SLC26A2: variants seen among roughly 807,000 people sequenced by gnomAD.
The protein encoded by SLC26A2 is solute carrier family 26 member 2, also known as sulfate transporter.
Under a neutral mutation model 41.1 loss-of-function variants are expected in SLC26A2, and 36 were observed. The observed-to-expected ratio is 0.88, with a 90% confidence interval of 0.67 to 1.16. SLC26A2 has a LOEUF of 1.16. Ranked by LOEUF, SLC26A2 falls within the 50% of genes most tolerant of loss-of-function variation. The pLI, the probability that SLC26A2 is intolerant of heterozygous loss-of-function variation, is 0.00. For synonymous variants in SLC26A2, 291 were observed against 311.6 expected, an observed-to-expected ratio of 0.93 and a Z score of 0.70; for missense variants, 796 against 869.6, an observed-to-expected ratio of 0.92 and a Z score of 1.07.
chr5:149,969,409 C>A (rs75227295), intron 1 of SLC26A2, among the ~76,000 whole-genome samples: 3,461 of 152,304 alleles, frequency 0.023, 140 homozygotes, highest in African/African-American at 0.078. Flanking sequence ...TAATTGCCTG[C>A]TGGACACACC....
At chr5:149,969,418 C>G (rs573382332) in intron 1 of SLC26A2, among the ~76,000 whole-genome samples, 1 of 152,306 alleles carries the variant, frequency 6.6e-6, no homozygotes, top group South Asian at 2.1e-4. Context: ...GCTGGACACA[C>G]CATCTGGACA....
Position 149,978,055 on chromosome 5 carries a change from C to T in SLC26A2, c.403C>T (p.Gln135Ter). The change falls in exon 2 of 3, where the codon CAA (glutamine) becomes TAA (stop). Residue 135 changes from glutamine to a stop codon, truncating the protein, a stop_gained. Coordinates refer to ENST00000286298, the MANE Select transcript of SLC26A2 (RefSeq NM_000112.4). LOFTEE classifies it high-confidence loss of function. ...CATTGCTTATTCCCTGCTGGCTGGC[C>T]AAGAACCTGTCTATGGTCTGTACAC... ...QSIAYSLLAG[Q>*]EPVYGLYTSF... is the part of the protein sequence containing the mutation. The T allele has an allele frequency of 6.2e-7, 1 of 1,613,238 alleles. No homozygotes were observed. The highest frequency in any genetic ancestry group is 8.5e-7 in the Non-Finnish European group (1 of 1,179,478).
intron 1 of SLC26A2, among the ~76,000 whole-genome samples, chr5:149,963,440 G>A (rs1011001582): frequency 1.3e-5 from 2 of 152,040 alleles, no homozygotes; most frequent in African/African-American, 2.4e-5. Flanking sequence ...CACCACGTCC[G>A]GCTAATCTTT....
In SLC26A2 at chr5:149,986,232, A is replaced by C. The variant is rs140200789; in HGVS notation, c.*4419A>C. ...AAAATTAAAAAGAATCAGTTTTTTT[A>C]ATTAAAAAAATAGAAAGCTGTTAGG... is the stretch of plus-strand genomic sequence containing the variant. On this transcript the variant is annotated 3_prime_UTR_variant, in exon 3 of 3. Transcript: ENST00000286298. The C allele has an allele frequency of 1.6e-3, 244 of 151,276 alleles. No homozygotes were observed. The highest frequency in any genetic ancestry group is 5.6e-3 in the African/African-American group (231 of 41,010). The allele number at this position is 151,276 out of a possible 1,614,324, so 9.4% of individuals were successfully genotyped here.
rs2113695908 is a variant in SLC26A2, at chr5:149,978,007, G to A, written c.355G>A (p.Gly119Ser). 1 of 1,614,150 alleles carries A rather than the reference G, an allele frequency of 6.2e-7. No homozygotes were observed. Among genetic ancestry groups the A allele is most frequent in the African/African-American group, 1.3e-5 (1 of 75,032 alleles). Residue 119 changes from glycine to serine, a missense_variant, in exon 2 of 3, where the codon GGC (glycine) becomes AGC (serine). Coordinates refer to ENST00000286298, the MANE Select transcript of SLC26A2 (RefSeq NM_000112.4). ...GGATGTGATGTCAGGCTTGATTGTGGGCATATTATTGGTGCCCCAGTCCAT... is the reference window on the plus strand; with the variant it reads ...GGATGTGATGTCAGGCTTGATTGTGAGCATATTATTGGTGCCCCAGTCCAT... ...LGDVMSGLIV[G>S]ILLVPQSIAY...
At chr5:149,976,898 G>C (rs1755000761) in intron 1 of SLC26A2, among the ~76,000 whole-genome samples, 1 of 152,192 alleles carries the variant, frequency 6.6e-6, no homozygotes, top group African/African-American at 2.4e-5. Context: ...CTAGAACATA[G>C]TGGAATAGAC....
rs569436962 is a variant in SLC26A2 at position 149,980,537 on chromosome 5, T to C, written c.944T>C (p.Leu315Pro). 2 of 1,614,160 alleles carry C rather than the reference T, an allele frequency of 1.2e-6. No homozygotes were observed. The highest frequency in any genetic ancestry group is 1.1e-5 in the South Asian group (1 of 91,092). The part of the protein sequence containing the change: ...LITSLLCLLV[L>P]LPTKELNEHF... ...ACCAGCCTTTTGTGCCTTTTGGTTC[T>C]TTTGCCAACCAAAGAACTCAATGAA... The change falls in exon 3 of 3, where the codon CTT (leucine) becomes CCT (proline). Residue 315 changes from leucine (L) to proline (P), a missense_variant. Physicochemically the swap from Leu to Pro is moderately conservative, Grantham distance 98. Transcript: ENST00000286298.
chr5:149,975,930 G>A (rs1057279614), intron 1 of SLC26A2, among the ~76,000 whole-genome samples: 1 of 152,262 alleles, frequency 6.6e-6, no homozygotes, highest in South Asian at 2.1e-4. Flanking sequence ...GGCTGAGGCG[G>A]ATGGATCACC....
chr5:149,983,327 CT>C lies in SLC26A2; in HGVS notation c.*1517del, dbSNP rs1439899161. 6.6e-6 allele frequency: 1 copy of C among 152,012 alleles called. No homozygotes were observed. Among genetic ancestry groups the C allele is most frequent in the Non-Finnish European group, 1.5e-5 (1 of 68,000 alleles). The allele number at this position is 152,012 out of a possible 1,614,324, so 9.4% of individuals were successfully genotyped here. ...TCCCATTTGGTGACATGGAAAATAC[CT>C]TTCCATTATCACAACAAAGCAGTTG... On this transcript the variant is annotated 3_prime_UTR_variant, in exon 3 of 3. Coordinates refer to ENST00000286298, the MANE Select transcript of SLC26A2 (RefSeq NM_000112.4).
At chr5:149,976,711 T>G (rs766076954) in intron 1 of SLC26A2, among the ~76,000 whole-genome samples, 1 of 152,220 alleles carries the variant, frequency 6.6e-6, no homozygotes, top group Admixed American at 6.5e-5. Context: ...GTAGATCTTA[T>G]GGCATTAGTT....
chr5:149,973,547 C>T (rs1452585248), intron 1 of SLC26A2, among the ~76,000 whole-genome samples: 2 of 152,068 alleles, frequency 1.3e-5, no homozygotes, highest in African/African-American at 2.4e-5. Flanking sequence ...CCTCATCTCT[C>T]TCTCCCGTTC....
intron 1 of SLC26A2, among the ~76,000 whole-genome samples, 167 bp from the exon 2 acceptor site, chr5:149,977,461 T>C (rs899300594): frequency 1.3e-4 from 20 of 152,008 alleles, no homozygotes; most frequent in Admixed American, 4.6e-4. Context: ...TCTTTTTTTT[T>C]CCCCCTAACC....
intron 1 of SLC26A2, among the ~76,000 whole-genome samples, chr5:149,975,208 C>T (rs1754972663): frequency 6.6e-6 from 1 of 152,058 alleles, no homozygotes; most frequent in African/African-American, 2.4e-5. Context: ...GTTTATCTGT[C>T]TTTTTGAGTT....
At position 149,981,272 on chromosome 5, in the gene SLC26A2, C is replaced by G. The variant is rs762152722; in HGVS notation, c.1679C>G (p.Ser560Cys). The change falls in exon 3 of 3, where the codon TCT (serine) becomes TGT (cysteine). Residue 560 changes from serine (S) to cysteine (C), a missense_variant. Transcript: ENST00000286298. ...KSSLLGLVEESEVFESVSAYK... is the reference protein window; with the variant it reads ...KSSLLGLVEECEVFESVSAYK... ...TCACTGCTTGGCTTGGTGGAAGAGT[C>G]TGAGGTCTTTGAATCTGTGTCTGCT... The G allele has an allele frequency of 6.2e-7, 1 of 1,614,146 alleles. No homozygotes were observed. The highest frequency in any genetic ancestry group is 8.5e-7 in the Non-Finnish European group (1 of 1,180,018).
In SLC26A2 at chr5:149,985,301, A is replaced by C. The variant is rs1755180450; in HGVS notation, c.*3488A>C. On this transcript the variant is annotated 3_prime_UTR_variant, in exon 3 of 3. Transcript: ENST00000286298. ...TGCCTCTGATGGTAATAAAACTGAC[A>C]AGATGTCTAATTTTTTTTTAAGTAG... 1 of 152,148 alleles carries C rather than the reference A, an allele frequency of 6.6e-6. No homozygotes were observed. The highest frequency in any genetic ancestry group is 1.5e-5 in the Non-Finnish European group (1 of 68,014). 9.4% of individuals were successfully genotyped at this position (152,148 alleles called of 1,614,324 possible).
rs1428011747 is a variant in SLC26A2, at chr5:149,978,217, C to T, written c.565C>T (p.His189Tyr). ...ACAGAAAGCTGGCTATGACAATGCC[C>T]ATAGTGCTCCTTCCTTAGGAATGGT... ...ELQKAGYDNA[H>Y]SAPSLGMVSN... The change falls in exon 2 of 3, where the codon CAT becomes TAT. Residue 189 changes from histidine to tyrosine, a missense_variant. His to Tyr is a moderately conservative substitution (Grantham distance 83, BLOSUM62 2). Transcript: ENST00000286298. The T allele has an allele frequency of 1.2e-6, 2 of 1,614,076 alleles. No homozygotes were observed. The highest frequency in any genetic ancestry group is 1.7e-6 in the Non-Finnish European group (2 of 1,179,974).
chr5:149,971,549 G>A (rs777355478), intron 1 of SLC26A2, among the ~76,000 whole-genome samples: 19 of 152,132 alleles, frequency 1.2e-4, no homozygotes, highest in African/African-American at 3.1e-4. Context: ...ACAGGCGTGC[G>A]CCACCACGCC....
chr5:149,967,028 G>A (rs2113688159), intron 1 of SLC26A2, among the ~76,000 whole-genome samples: 1 of 152,276 alleles, frequency 6.6e-6, no homozygotes, highest in South Asian at 2.1e-4. Flanking sequence ...GCTGGGCACA[G>A]CGGCGTGTGT....
intron 1 of SLC26A2, among the ~76,000 whole-genome samples, chr5:149,973,892 T>G (rs866489668): frequency 8.5e-5 from 13 of 152,264 alleles, no homozygotes; most frequent in Middle Eastern, 3.4e-3. Flanking sequence ...CCTGTAATCC[T>G]AGCACTTTGG....
Sources: allele counts gnomAD v4.1 joint callset (sites outside exome capture counted in the v4.1 genomes callset), GRCh38; gene constraint gnomAD v4.1.1; transcripts MANE v1.5; gene names NCBI Gene and HGNC (gene_info 2026-07-23, HGNC 2026-07-21).